Variants in CYGB observed in about 807,000 individuals in gnomAD.
CYGB encodes the protein histoglobin.
A neutral mutation model predicts 20.7 loss-of-function variants in CYGB; 13 were observed. The ratio of observed to expected loss-of-function variants is 0.63; its 90% confidence interval spans 0.41 to 1.00. The LOEUF (loss-of-function observed/expected upper bound fraction) is 1.00. Ranked by LOEUF, CYGB falls within the 50% of genes least tolerant of loss-of-function variation. CYGB has a pLI of 0.00. For missense variants in CYGB, 218 were observed against 257.2 expected, an observed-to-expected ratio of 0.85 and a Z score of 1.04; for synonymous variants, 93 against 107.4, an observed-to-expected ratio of 0.87 and a Z score of 0.83.
chr17:76,540,636 C>G (rs537536744), upstream of CYGB: 9 of 1,520,996 alleles, frequency 5.9e-6, no homozygotes, highest in South Asian at 1.0e-4. The surrounding 1 kb of genome is among the most constrained non-coding windows in gnomAD (Gnocchi z 5.0). Context: ...GCTGTGCATG[C>G]CTGGGGGTGC....
At chr17:76,541,651 A>G (rs1420099783), upstream of CYGB, among the ~76,000 whole-genome samples, 1 of 152,236 alleles carries the variant, frequency 6.6e-6, no homozygotes, top group Non-Finnish European at 1.5e-5. Context: ...TCGATAGGCC[A>G]GCTGGCATCA....
intron 1 of CYGB, chr17:76,543,479 C>T (rs2075015937): frequency 5.8e-6 from 2 of 344,674 alleles, no homozygotes; most frequent in African/African-American, 4.3e-5. Flanking sequence ...CTTCAGTCAC[C>T]CACAGAGCCT....
In CYGB at chr17:76,531,324, C is replaced by T. The variant is rs890632433; in HGVS notation, c.375+136G>A. On this transcript the variant is annotated intron_variant, in intron 2 of 3. Transcript: ENST00000293230. This position sits in a 1 kb window ranked among gnomAD's most constrained non-coding sequence, Gnocchi z 7.4. The stretch of plus-strand genomic sequence containing the variant: ...GGACCCAGCCCCTCCATCCTGCTGC[C>T]GGGCACTGCCCCTCCCTCTCGCAGC... 61 of 1,239,898 alleles carry T rather than the reference C, an allele frequency of 4.9e-5. No individual in the cohort carries two copies. Among genetic ancestry groups the T allele is most frequent in the Admixed American group, 9.4e-5 (4 of 42,356 alleles). The allele number at this position is 1,239,898 out of a possible 1,614,324, so 76.8% of individuals were successfully genotyped here.
intron 3 of CYGB, chr17:76,529,098 C>T: frequency 1.0e-6 from 1 of 960,632 alleles, no homozygotes; most frequent in Non-Finnish European, 1.2e-6. Context: ...GCAGAGACGG[C>T]TCAATAAACA....
intron 1 of CYGB, among the ~76,000 whole-genome samples, chr17:76,547,526 G>C (rs1248490462): frequency 6.6e-6 from 1 of 152,170 alleles, no homozygotes; most frequent in Admixed American, 6.5e-5. Context: ...GTGCCCCCTA[G>C]TGGGGATGAT....
At chr17:76,540,183 C>T (rs1480669189), upstream of CYGB, 8 of 1,538,034 alleles carry the variant, frequency 5.2e-6, no homozygotes, top group Non-Finnish European at 2.6e-6. The surrounding 1 kb of genome is among the most constrained non-coding windows in gnomAD (Gnocchi z 5.0). Flanking sequence ...TGGCCATGCT[C>T]TGGCGCCGCC....
chr17:76,537,521 T>C lies in CYGB; in HGVS notation c.22A>G (p.Met8Val), dbSNP rs754976894. ...CTCCGCTCCCTGCGCTCGATCTCCA[T>C]CTCGCCTGGCACTTTCTCCATGAGC... The part of the protein sequence containing the change: MEKVPGE[M>V]EIERRERSEE... Residue 8 changes from methionine (M) to valine (V), a missense_variant, in exon 1 of 4, where the codon ATG becomes GTG. Coordinates refer to ENST00000293230, the MANE Select transcript of CYGB (RefSeq NM_134268.5). 1 of 1,570,554 alleles carries C rather than the reference T, an allele frequency of 6.4e-7. No homozygotes were observed. Among genetic ancestry groups the C allele is most frequent in the Non-Finnish European group, 8.6e-7 (1 of 1,160,988 alleles).
At chr17:76,543,482 C>T (rs1598214478) in intron 1 of CYGB, 5 of 345,760 alleles carry the variant, frequency 1.4e-5, no homozygotes, top group Non-Finnish European at 2.9e-5. Context: ...CAGTCACCCA[C>T]AGAGCCTGGT....
chr17:76,545,516 C>T (rs2075046026), intron 1 of CYGB: 1 of 383,092 alleles, frequency 2.6e-6, no homozygotes, highest in African/African-American at 2.1e-5. Flanking sequence ...AGGGTGGGGT[C>T]CCTTCTGGTC....
At chr17:76,534,174 C>CTCTCTCTCTCTT (rs1567907867) in intron 1 of CYGB, among the ~76,000 whole-genome samples, 2 of 106,108 alleles carry the variant, frequency 1.9e-5, no homozygotes, top group South Asian at 2.5e-4. Context: ...CTCTCTCTCT[C>CTCTCTCTCTCTT]TCTTTCTTTC....
intron 3 of CYGB, chr17:76,529,442 G>T: frequency 1.2e-5 from 12 of 985,478 alleles, no homozygotes; most frequent in Middle Eastern, 5.2e-4. Context: ...TTAGTCCCTA[G>T]GGCAGGGTGG....
upstream of CYGB, among the ~76,000 whole-genome samples, chr17:76,539,670 G>A (rs978053048): frequency 3.3e-5 from 5 of 152,196 alleles, no homozygotes; most frequent in African/African-American, 9.7e-5. Context: ...CTTCGGCAGC[G>A]TCTTCTGTCT....
chr17:76,534,310 C>G (rs1165585192), intron 1 of CYGB, among the ~76,000 whole-genome samples: 2 of 152,086 alleles, frequency 1.3e-5, no homozygotes, highest in Non-Finnish European at 2.9e-5. Context: ...ACAAAGTTAG[C>G]TGGGATTACA....
chr17:76,531,804 C>A lies in CYGB; in HGVS notation c.144-113G>T, dbSNP rs189449128. ...TGGACCGCAGTGCTCCCCACCCCCG[C>A]ACCGTCACTGTTTTCACTACCATCA... On this transcript the variant is annotated intron_variant, in intron 1 of 3. Coordinates refer to ENST00000293230, the MANE Select transcript of CYGB (RefSeq NM_134268.5). The surrounding 1 kb of genome is among the most constrained non-coding windows in gnomAD (Gnocchi z 7.4). The A allele has an allele frequency of 4.6e-4, 383 of 838,688 alleles. 2 individuals carry two copies. In the African/African-American group the frequency reaches 6.1e-3, roughly 13 times the overall value. 52.0% of individuals were successfully genotyped at this position (838,688 alleles called of 1,614,324 possible). A position where few individuals can be genotyped will look rare whatever the true frequency, so the allele number is the denominator to read the frequency against.
chr17:76,540,387 T>C (rs2074976631), upstream of CYGB: 1 of 1,324,368 alleles, frequency 7.6e-7, no homozygotes, highest in Non-Finnish European at 1.1e-6. This position sits in a 1 kb window ranked among gnomAD's most constrained non-coding sequence, Gnocchi z 5.0. Flanking sequence ...GACTTAGAGC[T>C]TCAAAGGCTC....
intron 1 of CYGB, chr17:76,544,284 C>T (rs2075028322): frequency 2.2e-6 from 1 of 454,562 alleles, no homozygotes; most frequent in South Asian, 1.6e-5. Context: ...GGCCCGTGCC[C>T]TTGACTTCCA....
intron 1 of CYGB, chr17:76,543,463 T>A (rs2075015741): frequency 5.9e-6 from 2 of 341,120 alleles, no homozygotes; most frequent in African/African-American, 4.3e-5. Context: ...CATTCTGTAA[T>A]TTAATCTTCA....
rs1002908824 is a variant in CYGB, at chr17:76,530,682, T to G, written c.539+297A>C. Among the ~76,000 whole-genome samples the G allele has an allele frequency of 1.3e-5, 2 of 152,194 alleles. No homozygotes were observed. The highest frequency in any genetic ancestry group is 2.9e-5 in the Non-Finnish European group (2 of 68,032). Reference sequence around the variant, plus strand: ...CAGGAGCCTCTGGCGCCTCTCTGCCTGGGCAGCTGTGGCTTTGGGTGCTCT... The same window carrying G: ...CAGGAGCCTCTGGCGCCTCTCTGCCGGGGCAGCTGTGGCTTTGGGTGCTCT... On this transcript the variant is annotated intron_variant, in intron 3 of 3. Transcript: ENST00000293230. The surrounding 1 kb of genome is among the most constrained non-coding windows in gnomAD (Gnocchi z 6.1).
chr17:76,544,705 T>A, intron 1 of CYGB: 1 of 456,788 alleles, frequency 2.2e-6, no homozygotes, highest in East Asian at 6.9e-5. Context: ...CAGAGGGCAC[T>A]GTTCCCGGGA....
Sources: gnomAD v4.1 joint callset for allele counts (sites outside exome capture counted in the v4.1 genomes callset) on GRCh38, gnomAD v4.1.1 for gene constraint, Gnocchi (gnomAD v3.1) non-coding constraint, MANE v1.5 for transcripts, NCBI Gene and HGNC (gene_info 2026-07-23, HGNC 2026-07-21) for gene names.